The following FCHO2 variants were observed in gnomAD, a reference collection of about 807,000 sequenced individuals.
The protein encoded by FCHO2 is FCH and mu domain containing endocytic adaptor 2.
In FCHO2, 43 loss-of-function variants were observed where a neutral mutation model predicts 114.1. The ratio of observed to expected loss-of-function variants is 0.38; its 90% confidence interval spans 0.30 to 0.49. FCHO2 has a LOEUF of 0.49. FCHO2 is among the 20% of genes least tolerant of loss of function. FCHO2 has a pLI of 0.97. For synonymous variants in FCHO2, 293 were observed against 315.2 expected (o/e 0.93, Z 0.75); for missense variants, 807 against 950.4 (o/e 0.85, Z 1.98).
chr5:73,028,836 AGACAGGGTTT>A (rs1240103286), intron 8 of FCHO2, among the ~76,000 whole-genome samples: 3 of 151,954 alleles, frequency 2.0e-5, no homozygotes, highest in Non-Finnish European at 1.5e-5. Context: ...TTTTTAGTGG[AGACAGGGTTT>A]CACCATAGGC....
Position 73,074,758 on chromosome 5 carries a change from C to G in FCHO2, c.1596C>G (p.Pro532=), listed in dbSNP as rs779013090. Residue 532 remains proline (P), a synonymous_variant, in exon 20 of 26, where the codon CCC becomes CCG. Coordinates refer to ENST00000430046, the MANE Select transcript of FCHO2 (RefSeq NM_138782.3). The part of the protein sequence containing the change: ...NTPTVGVSRG[P]SPVSLGNQDT... Reference sequence around the variant, plus strand: ...ATATTCTAGGTGTGTCACGGGGTCCCAGCCCTGTCAGCCTTGGAAATCAGG... The same window carrying G: ...ATATTCTAGGTGTGTCACGGGGTCCGAGCCCTGTCAGCCTTGGAAATCAGG... 1.2e-6 allele frequency: 2 copies of G among 1,612,584 alleles called. No homozygotes were observed. Among genetic ancestry groups the G allele is most frequent in the Non-Finnish European group, 1.7e-6 (2 of 1,179,308 alleles).
chr5:73,030,623 T>G (rs1464313724), intron 8 of FCHO2, among the ~76,000 whole-genome samples: 2 of 152,212 alleles, frequency 1.3e-5, no homozygotes, highest in African/African-American at 4.8e-5. Context: ...TAGGGCTGTA[T>G]TTCTCAAAAT....
intron 2 of FCHO2, among the ~76,000 whole-genome samples, chr5:72,979,650 C>A (rs1753089279): frequency 6.6e-6 from 1 of 151,860 alleles, no homozygotes; most frequent in African/African-American, 2.4e-5. Context: ...CTCGGCCTCC[C>A]AAAGTGCTGG....
At chr5:73,072,846 C>T (rs756113128) in intron 19 of FCHO2, among the ~76,000 whole-genome samples, 50 of 151,754 alleles carry the variant, frequency 3.3e-4, no homozygotes, top group Non-Finnish European at 6.3e-4. Context: ...TAATTCATAC[C>T]GGTGAACTGT....
At chr5:72,958,016 G>A (rs1358900511) in intron 1 of FCHO2, among the ~76,000 whole-genome samples, 1 of 149,180 alleles carries the variant, frequency 6.7e-6, no homozygotes, top group African/African-American at 2.5e-5. Flanking sequence ...AAATTGGGTT[G>A]TCTTTTTTTA....
intron 1 of FCHO2, among the ~76,000 whole-genome samples, chr5:72,958,206 TA>T (rs1171098549): frequency 4.6e-5 from 7 of 152,220 alleles, no homozygotes; most frequent in African/African-American, 1.7e-4. Flanking sequence ...CCATCTTATC[TA>T]TTTTTTTCTA....
chr5:73,040,598 A>T (rs1015184546), intron 10 of FCHO2, among the ~76,000 whole-genome samples: 4 of 152,208 alleles, frequency 2.6e-5, no homozygotes, highest in African/African-American at 9.6e-5. Context: ...TACATTTTAA[A>T]TAATACTTTT....
chr5:73,029,898 G>A (rs1298952365), intron 8 of FCHO2, among the ~76,000 whole-genome samples: 1 of 152,108 alleles, frequency 6.6e-6, no homozygotes, highest in African/African-American at 2.4e-5. Context: ...CACCTCCCAC[G>A]TGGGAATCGC....
intron 8 of FCHO2, among the ~76,000 whole-genome samples, chr5:73,033,856 C>T (rs976519681): frequency 3.3e-5 from 5 of 152,138 alleles, no homozygotes; most frequent in African/African-American, 1.2e-4. Context: ...GCAATTAAGG[C>T]TAGTCTGAGC....
At position 72,970,555 on chromosome 5, in the gene FCHO2, A is replaced by G. The variant is rs1330290196; in HGVS notation, c.125+1966A>G. 2.0e-5 allele frequency among the ~76,000 whole-genome samples: 3 copies of G among 151,898 alleles called. No homozygotes were observed. The East Asian group carries it at 5.8e-4, about 29-fold the overall frequency. ...CAATAAGTTGGTTAAAATATTCCTA[A>G]AATGACTCCACATTTATATTTTATC... On this transcript the variant is annotated intron_variant, in intron 2 of 25. Transcript: ENST00000430046.
intron 2 of FCHO2, among the ~76,000 whole-genome samples, chr5:72,979,592 C>T (rs1356320127): frequency 3.3e-5 from 5 of 150,832 alleles, no homozygotes; most frequent in East Asian, 1.9e-4. Context: ...GGGGTTTCAC[C>T]GTGTTAGCCA....
rs1415787298 is a variant in FCHO2 at position 73,051,360 on chromosome 5, T to G, written c.951T>G (p.Asp317Glu). Residue 317 changes from aspartate (D) to glutamate (E), a missense_variant, in exon 12 of 26, where the codon GAT (aspartate) becomes GAG (glutamate). Coordinates refer to ENST00000430046, the MANE Select transcript of FCHO2 (RefSeq NM_138782.3). Reference sequence around the variant, plus strand: ...TCTTTTTCCCTTAGAACATTCCTGATGTAGATGAAGAAGGCTACAGTATTA... The same window carrying G: ...TCTTTTTCCCTTAGAACATTCCTGAGGTAGATGAAGAAGGCTACAGTATTA... ...CPDADSLNIP[D>E]VDEEGYSIKP... is the part of the protein sequence containing the mutation. 1.3e-6 allele frequency: 2 copies of G among 1,530,878 alleles called. No individual in the cohort carries two copies. The highest frequency in any genetic ancestry group is 4.0e-5 in the Admixed American group (2 of 49,698). 94.8% of individuals were successfully genotyped at this position (1,530,878 alleles called of 1,614,324 possible).
intron 2 of FCHO2, among the ~76,000 whole-genome samples, chr5:72,979,378 C>CTTTTTTT (rs60234739): frequency 0.013 from 640 of 49,844 alleles, 74 homozygotes; most frequent in Middle Eastern, 0.042. Flanking sequence ...TTATCAATTT[C>CTTTTTTT]TTTTTTTTTT....
chr5:72,970,248 A>G (rs1234844582), intron 2 of FCHO2, among the ~76,000 whole-genome samples: 1 of 152,218 alleles, frequency 6.6e-6, no homozygotes, highest in Non-Finnish European at 1.5e-5. Flanking sequence ...TATGCTAGGC[A>G]TGGGATACAA....
chr5:73,073,770 ATGTC>A (rs1346777399), intron 19 of FCHO2, among the ~76,000 whole-genome samples: 1 of 152,132 alleles, frequency 6.6e-6, no homozygotes, highest in Non-Finnish European at 1.5e-5. Context: ...TGAAATAAAA[ATGTC>A]TGATGGCTGT....
chr5:73,062,236 G>A lies in FCHO2; in HGVS notation c.1346-1605G>A, dbSNP rs550121083. On this transcript the variant is annotated intron_variant, in intron 17 of 25. Coordinates refer to ENST00000430046, the MANE Select transcript of FCHO2 (RefSeq NM_138782.3). ...TAGAAGCAGTGCCTAATTGACCTAT[G>A]CAGATATAATATAGATTCATTTATA... Among the ~76,000 whole-genome samples, 13 of 152,206 alleles carry A rather than the reference G, an allele frequency of 8.5e-5. No individual in the cohort carries two copies. In the South Asian group the frequency reaches 2.1e-3, roughly 24 times the overall value.
chr5:72,994,263 C>G (rs1354117387), intron 5 of FCHO2, among the ~76,000 whole-genome samples: 2 of 152,124 alleles, frequency 1.3e-5, no homozygotes, highest in African/African-American at 4.8e-5. Flanking sequence ...CATCCAGCAT[C>G]TATAAGGCAC....
chr5:73,088,091 T>C lies in FCHO2; in HGVS notation c.*1T>C, dbSNP rs746841507. On this transcript the variant is annotated 3_prime_UTR_variant, in exon 26 of 26. Transcript: ENST00000430046. Reference sequence around the variant, plus strand: ...AGGACGATACCTGGCGGATTGTTGATGGACCTGGGAAAGTGATGTGGCTTC... The same window carrying C: ...AGGACGATACCTGGCGGATTGTTGACGGACCTGGGAAAGTGATGTGGCTTC... 1 of 1,613,498 alleles carries C rather than the reference T, an allele frequency of 6.2e-7. No homozygotes were observed. Among genetic ancestry groups the C allele is most frequent in the Non-Finnish European group, 8.5e-7 (1 of 1,179,710 alleles).
chr5:73,046,349 G>C (rs1218623227), intron 11 of FCHO2, among the ~76,000 whole-genome samples: 1 of 152,146 alleles, frequency 6.6e-6, no homozygotes, highest in Non-Finnish European at 1.5e-5. Context: ...TTATAGGCCT[G>C]AGCCACCGTG....
Sources: allele counts gnomAD v4.1 joint callset (sites outside exome capture counted in the v4.1 genomes callset), GRCh38; gene constraint gnomAD v4.1.1; transcripts MANE v1.5; gene names NCBI Gene and HGNC (gene_info 2026-07-23, HGNC 2026-07-21).